The following XRN1 variants were observed in gnomAD, a reference collection of about 807,000 sequenced individuals.
XRN1 encodes the protein strand-exchange protein 1 homolog.
A neutral mutation model predicts 222.3 loss-of-function variants in XRN1; 67 were observed. The ratio of observed to expected loss-of-function variants is 0.30; its 90% CI spans 0.25 to 0.37. XRN1 has a LOEUF of 0.37. XRN1 is among the 10% of genes least tolerant of loss of function. The pLI, the probability that XRN1 is intolerant of heterozygous loss-of-function variation, is 1.00. For synonymous variants in XRN1, 643 were observed against 652.4 expected, an observed-to-expected ratio of 0.99 and a Z score of 0.22; for missense variants, 1,707 against 2,000.2, an observed-to-expected ratio of 0.85 and a Z score of 2.80.
intron 5 of XRN1, among the ~76,000 whole-genome samples, chr3:142,424,830 T>C (rs2108122615): frequency 6.8e-6 from 1 of 146,934 alleles, no homozygotes; most frequent in South Asian, 2.3e-4. Flanking sequence ...TATTTTTGTT[T>C]ATGCTTGAAA....
intron 29 of XRN1, among the ~76,000 whole-genome samples, chr3:142,363,426 C>T (rs1395533475): frequency 6.6e-6 from 1 of 152,120 alleles, no homozygotes; most frequent in Non-Finnish European, 1.5e-5. Flanking sequence ...ATCAAATTAT[C>T]CTGGCACATT....
In XRN1 at chr3:142,376,525, A is replaced by G; in HGVS notation, c.2785T>C (p.Ser929Pro). The G allele has an allele frequency of 6.2e-7, 1 of 1,613,522 alleles. No individual in the cohort carries two copies. The highest frequency in any genetic ancestry group is 8.5e-7 in the Non-Finnish European group (1 of 1,179,608). The change falls in exon 24 of 41, where the codon TCA (serine) becomes CCA (proline). Residue 929 changes from serine (S) to proline (P), a missense_variant. This residue lies in a region of XRN1 where 1,234 missense variants were observed against 1,518.2 expected (regional missense o/e 0.81). Transcript: ENST00000392981. ...SRLGVSGYLV[S>P]RFTGSIFIGR... Reference sequence around the variant, plus strand: ...ATAAAAATACTTCCTGTAAACCTTGAAACAAGGTATCCACTCACTCCAAGG... The same window carrying G: ...ATAAAAATACTTCCTGTAAACCTTGGAACAAGGTATCCACTCACTCCAAGG...
chr3:142,414,741 CGCCTCG>C (rs1490294107), intron 13 of XRN1, among the ~76,000 whole-genome samples: 4 of 152,130 alleles, frequency 2.6e-5, no homozygotes, highest in African/African-American at 7.2e-5. Flanking sequence ...GTGATCCGCC[CGCCTCG>C]GCCTCCCAAA....
At position 142,371,290 on chromosome 3, in the gene XRN1, T is replaced by C. The variant is rs531981326; in HGVS notation, c.3017A>G (p.Gln1006Arg). ...GTCATCTTCATAGAACACATCCTCT[T>C]GGCTATTTTTGGCTATATAACTAAA... is the stretch of plus-strand genomic sequence containing the variant. ...ELFSYIAKNS[Q>R]EDVFYEDDIW... The change falls in exon 26 of 41, where the codon CAA becomes CGA. Residue 1006 changes from glutamine (Q) to arginine (R), a missense_variant. Coordinates refer to ENST00000392981, the MANE Select transcript of XRN1 (RefSeq NM_001282857.2). The C allele has an allele frequency of 6.2e-7, 1 of 1,613,380 alleles. No individual in the cohort carries two copies. Among genetic ancestry groups the C allele is most frequent in the South Asian group, 1.1e-5 (1 of 90,982 alleles).
chr3:142,312,067 G>A (rs184393250), intron 40 of XRN1, among the ~76,000 whole-genome samples: 2 of 152,060 alleles, frequency 1.3e-5, no homozygotes, highest in Admixed American at 6.6e-5. Context: ...CAGGTGGATC[G>A]GTAGAGACCT....
rs568881316 is a variant in XRN1 at position 142,317,780 on chromosome 3, G to A, written c.4621+812C>T. Among the ~76,000 whole-genome samples the A allele has an allele frequency of 3.9e-4, 60 of 152,216 alleles. No individual in the cohort carries two copies. The South Asian group carries it at 0.012, about 30-fold the overall frequency. ...TCCAAGATCTGAACCTCTTGGGAAC[G>A]GCGAGGGACAATCTACTTATGCTCA... On this transcript the variant is annotated intron_variant, in intron 39 of 40. Coordinates refer to ENST00000392981, the MANE Select transcript of XRN1 (RefSeq NM_001282857.2).
At position 142,341,044 on chromosome 3, in the gene XRN1, C is replaced by G. The variant is rs532956431; in HGVS notation, c.3878-5535G>C. ...CACATAACACTGTATGGTATGTAAA[C>G]TACTCTTATAACTGATGAACCAATG... On this transcript the variant is annotated intron_variant, in intron 33 of 40. Transcript: ENST00000392981. Among the ~76,000 whole-genome samples the G allele has an allele frequency of 2.9e-4, 44 of 152,138 alleles. 1 individual carries two copies. The South Asian group carries it at 9.1e-3, about 32-fold the overall frequency.
chr3:142,384,272 A>AAAAAAAAAAAAAG (rs1023634304), intron 21 of XRN1, among the ~76,000 whole-genome samples: 13 of 143,798 alleles, frequency 9.0e-5, no homozygotes, highest in Non-Finnish European at 7.7e-5. Flanking sequence ...ACTCTGTCTC[A>AAAAAAAAAAAAAG]AAAAAAAAAA....
At chr3:142,334,686 TAA>T (rs35201269) in intron 34 of XRN1, among the ~76,000 whole-genome samples, 56,430 of 150,196 alleles carry the variant, frequency 0.38, 10,656 homozygotes, top group Middle Eastern at 0.47. Flanking sequence ...TGTATATATA[TAA>T]GACCATATAT....
chr3:142,355,248 TTA>T, intron 32 of XRN1, 151 bp downstream of exon 32: 1 of 413,838 alleles, frequency 2.4e-6, no homozygotes. Context: ...AAAGTTGAAA[TTA>T]TTTAAAAAAA....
At chr3:142,422,152 T>C (rs1450218992) in intron 8 of XRN1, among the ~76,000 whole-genome samples, 1 of 151,952 alleles carries the variant, frequency 6.6e-6, no homozygotes, top group African/African-American at 2.4e-5. Flanking sequence ...CTGGTCAATA[T>C]GGTAAAACCC....
rs2069081919 is a variant in XRN1 at position 142,422,565 on chromosome 3, T to C, written c.967+17A>G. 1.9e-6 allele frequency: 3 copies of C among 1,609,202 alleles called. No individual in the cohort carries two copies. The highest frequency in any genetic ancestry group is 4.5e-5 in the East Asian group (2 of 44,772). On this transcript the variant is annotated intron_variant, in intron 8 of 40. Coordinates refer to ENST00000392981, the MANE Select transcript of XRN1 (RefSeq NM_001282857.2). The stretch of plus-strand genomic sequence containing the variant: ...CTAAATTAAAGTATCCTCGAGAGAT[T>C]ATTAAATTCTTCTTACCCCCAAGTT...
intron 39 of XRN1, among the ~76,000 whole-genome samples, chr3:142,317,267 C>T (rs2065237551): frequency 6.6e-6 from 1 of 151,752 alleles, no homozygotes; most frequent in South Asian, 2.1e-4. Context: ...ACACTTACCT[C>T]CTTTCCTTCA....
chr3:142,403,201 A>G (rs2068212414), intron 18 of XRN1, among the ~76,000 whole-genome samples: 1 of 152,212 alleles, frequency 6.6e-6, no homozygotes, highest in South Asian at 2.1e-4. Flanking sequence ...AGGCTTATTT[A>G]TTCCTTCTCC....
At chr3:142,380,057 A>G (rs1449072897) in intron 23 of XRN1, 25 bp downstream of exon 23, 29 of 1,572,404 alleles carry the variant, frequency 1.8e-5, no homozygotes, top group Non-Finnish European at 2.4e-5. Flanking sequence ...ATTCTAAATG[A>G]AACAATACAA....
rs1208432793 is a variant in XRN1 at position 142,432,905 on chromosome 3, A to C, written c.76-12T>G. On this transcript the variant is annotated splice_polypyrimidine_tract_variant and intron_variant, in intron 1 of 40. Coordinates refer to ENST00000392981, the MANE Select transcript of XRN1 (RefSeq NM_001282857.2). Reference sequence around the variant, plus strand: ...TCAAATTCAGGAATCTGAAAAACAAAGAAAAATGCTTGAGATCATTTATTT... The same window carrying C: ...TCAAATTCAGGAATCTGAAAAACAACGAAAAATGCTTGAGATCATTTATTT... The C allele has an allele frequency of 1.9e-6, 3 of 1,582,918 alleles. No homozygotes were observed.
Position 142,357,103 on chromosome 3 carries a change from C to G in XRN1, c.3481G>C (p.Gly1161Arg). The change falls in exon 31 of 41, where the codon GGT becomes CGT. Residue 1161 changes from glycine to arginine, a missense_variant. Physicochemically the swap from Gly to Arg is moderately radical, Grantham distance 125. This residue lies in a region of XRN1 where 1,234 missense variants were observed against 1,518.2 expected (regional missense o/e 0.81). Coordinates refer to ENST00000392981, the MANE Select transcript of XRN1 (RefSeq NM_001282857.2). ...GLTIRCSPGRGYRLPTSALVN... is the reference protein window; with the variant it reads ...GLTIRCSPGRRYRLPTSALVN... ...AAGGCACTTGTTGGCAGTCGATAAC[C>G]TCTACCAGGTGAGCATCTAAAAGTA... 6.2e-7 allele frequency: 1 copy of G among 1,611,832 alleles called. No individual in the cohort carries two copies. Among genetic ancestry groups the G allele is most frequent in the Non-Finnish European group, 8.5e-7 (1 of 1,178,958 alleles).
chr3:142,332,318 C>A, intron 36 of XRN1, 57 bp downstream of exon 36: 1 of 1,269,414 alleles, frequency 7.9e-7, no homozygotes, highest in Non-Finnish European at 1.1e-6. Context: ...TTAAAAAGAA[C>A]CAAATGAATT....
At chr3:142,403,827 A>G (rs777740020) in intron 17 of XRN1, 42 bp downstream of exon 17, 8 of 1,611,308 alleles carry the variant, frequency 5.0e-6, no homozygotes, top group Middle Eastern at 3.3e-4. Context: ...ATCACTTCAC[A>G]CTTAATAAAG....
Sources: gnomAD v4.1 joint callset for allele counts (sites outside exome capture counted in the v4.1 genomes callset) on GRCh38, gnomAD v4.1.1 for gene constraint, gnomAD v4.1.1 regional missense constraint, MANE v1.5 for transcripts, NCBI Gene and HGNC (gene_info 2026-07-23, HGNC 2026-07-21) for gene names.